The following ESYT2 variants were observed in gnomAD, a reference collection of about 807,000 sequenced individuals.
The protein encoded by ESYT2 is extended synaptotagmin-2.
A neutral mutation model predicts 107.2 loss-of-function variants in ESYT2; 54 were observed. The ratio of observed to expected loss-of-function variants is 0.50; its 90% CI spans 0.40 to 0.63. ESYT2 has a LOEUF of 0.63. Ranked by LOEUF, ESYT2 falls within the 30% of genes least tolerant of loss-of-function variation. The pLI, the probability that ESYT2 is intolerant of heterozygous loss-of-function variation, is 0.00. For missense variants in ESYT2, 1,020 were observed against 1,094.5 expected (o/e 0.93, Z 0.96); for synonymous variants, 491 against 434.1 (o/e 1.13, Z -1.63).
chr7:158,791,884 T>A (rs190048057), intron 4 of ESYT2, among the ~76,000 whole-genome samples: 1 of 152,332 alleles, frequency 6.6e-6, no homozygotes, highest in Non-Finnish European at 1.5e-5. Flanking sequence ...TAGGTAGTAG[T>A]AACATCTTAA....
In ESYT2 at chr7:158,795,807, T is replaced by C. The variant is rs34380879; in HGVS notation, c.508-2081A>G. Reference sequence around the variant, plus strand: ...CGTCCCGTGTAGAGACATGGGCTCGTCCTACGGGCGTCCTGTGTAGAGACA... The same window carrying C: ...CGTCCCGTGTAGAGACATGGGCTCGCCCTACGGGCGTCCTGTGTAGAGACA... On this transcript the variant is annotated intron_variant, in intron 3 of 22. Transcript: ENST00000275418. Among the ~76,000 whole-genome samples, 164 of 119,032 alleles carry C rather than the reference T, an allele frequency of 1.4e-3. 1 individual carries two copies. The highest frequency in any genetic ancestry group is 5.5e-3 in the African/African-American group (161 of 29,056). The allele number at this position is 119,032 out of a possible 152,430, so 78.1% of individuals were successfully genotyped here.
chr7:158,750,075 A>C (rs1323418609), intron 14 of ESYT2, among the ~76,000 whole-genome samples: 1 of 152,186 alleles, frequency 6.6e-6, no homozygotes, highest in Non-Finnish European at 1.5e-5. Context: ...TGAAAACCAA[A>C]AATCATTAAA....
chr7:158,819,603 C>T (rs766693399), intron 1 of ESYT2, among the ~76,000 whole-genome samples: 25 of 152,140 alleles, frequency 1.6e-4, no homozygotes, highest in Non-Finnish European at 3.4e-4. Flanking sequence ...TTAACAAAAT[C>T]CACGGAAATG....
intron 16 of ESYT2, 95 bp from the exon 17 acceptor site, chr7:158,743,773 AT>A (rs1837302113): frequency 1.5e-6 from 2 of 1,375,458 alleles, no homozygotes; most frequent in East Asian, 5.7e-5. Flanking sequence ...GTCCTCAGAG[AT>A]AGGAACTTAG....
At chr7:158,746,334 C>G (rs144425186) in intron 16 of ESYT2, among the ~76,000 whole-genome samples, 63 of 151,784 alleles carry the variant, frequency 4.2e-4, no homozygotes, top group African/African-American at 1.4e-3. Flanking sequence ...CTGAGGCACA[C>G]ATACACACAT....
chr7:158,809,958 A>G (rs893449690), intron 1 of ESYT2, among the ~76,000 whole-genome samples: 1 of 152,246 alleles, frequency 6.6e-6, no homozygotes, highest in Non-Finnish European at 1.5e-5. Flanking sequence ...GGGACTGCCC[A>G]ATTTGTGAAT....
intron 1 of ESYT2, among the ~76,000 whole-genome samples, chr7:158,813,841 C>T (rs1414952573): frequency 2.0e-5 from 3 of 151,998 alleles, no homozygotes; most frequent in Non-Finnish European, 4.4e-5. Context: ...ATACGTTCCT[C>T]GTCCCGATGA....
At chr7:158,771,141 G>T (rs1039405334) in intron 7 of ESYT2, among the ~76,000 whole-genome samples, 1 of 152,144 alleles carries the variant, frequency 6.6e-6, no homozygotes, top group Admixed American at 6.5e-5. Flanking sequence ...ATGAATCAGG[G>T]GATCAACTTC....
intron 4 of ESYT2, among the ~76,000 whole-genome samples, chr7:158,789,210 C>T (rs1466164386): frequency 6.6e-6 from 1 of 152,118 alleles, no homozygotes; most frequent in Non-Finnish European, 1.5e-5. Flanking sequence ...TAAGTTTCTT[C>T]CAATATTTAT....
At position 158,734,430 on chromosome 7, in the gene ESYT2, C is replaced by G. The variant is rs923803561; in HGVS notation, c.2547G>C (p.Trp849Cys). Residue 849 changes from tryptophan (W) to cysteine (C), a missense_variant, in exon 22 of 23, where the codon TGG (tryptophan) becomes TGC (cysteine). Transcript: ENST00000275418. ...ALASEELAKG[W>C]TQWYDLTEDG... ...GCAGCAGGGACACTCACCACTGGGT[C>G]CAGCCTTTGGCAAGTTCTTCAGATG... is the stretch of plus-strand genomic sequence containing the variant. 4 of 1,613,830 alleles carry G rather than the reference C, an allele frequency of 2.5e-6. No homozygotes were observed. The highest frequency in any genetic ancestry group is 3.4e-6 in the Non-Finnish European group (4 of 1,179,936).
chr7:158,738,362 C>G (rs1175301147), intron 19 of ESYT2, among the ~76,000 whole-genome samples: 4 of 150,432 alleles, frequency 2.7e-5, no homozygotes, highest in Non-Finnish European at 4.4e-5. Context: ...CACACACACA[C>G]ACACACACAC....
chr7:158,806,444 G>T (rs901150923), intron 1 of ESYT2, among the ~76,000 whole-genome samples: 1 of 152,074 alleles, frequency 6.6e-6, no homozygotes, highest in African/African-American at 2.4e-5. Flanking sequence ...TTTTAAAGGG[G>T]TTAAGCCCCC....
At chr7:158,819,035 C>T (rs1331625778) in intron 1 of ESYT2, among the ~76,000 whole-genome samples, 4 of 152,200 alleles carry the variant, frequency 2.6e-5, no homozygotes, top group Non-Finnish European at 5.9e-5. Context: ...TTGTGCTACA[C>T]GAAACCATGG....
chr7:158,805,329 T>C (rs897585583), intron 1 of ESYT2, among the ~76,000 whole-genome samples: 1 of 152,212 alleles, frequency 6.6e-6, no homozygotes, highest in African/African-American at 2.4e-5. Flanking sequence ...TTAGAAATCT[T>C]GATTAAATGG....
At chr7:158,829,004 G>A in intron 1 of ESYT2, 85 bp downstream of exon 1, 4 of 1,512,508 alleles carry the variant, frequency 2.6e-6, no homozygotes, top group Non-Finnish European at 3.5e-6. Flanking sequence ...CAGGCGGCAG[G>A]TCGCGGGGAG....
At position 158,814,334 on chromosome 7, in the gene ESYT2, T is replaced by A. The variant is rs1285667555; in HGVS notation, c.330+14755A>T. ...ATATATATATATATATATATATATA[T>A]ATATATATATATGAAATAATATACC... On this transcript the variant is annotated intron_variant, in intron 1 of 22. Coordinates refer to ENST00000275418, the MANE Select transcript of ESYT2 (RefSeq NM_001367773.1). Among the ~76,000 whole-genome samples, 18 of 5,178 alleles carry A rather than the reference T, an allele frequency of 3.5e-3. 2 individuals carry two copies. Among genetic ancestry groups the A allele is most frequent in the East Asian group, 0.015 (12 of 822 alleles). 3.4% of individuals were successfully genotyped at this position (5,178 alleles called of 152,430 possible). A position where few individuals can be genotyped will look rare whatever the true frequency, so the allele number is the denominator to read the frequency against.
At chr7:158,816,843 A>G (rs966110918) in intron 1 of ESYT2, among the ~76,000 whole-genome samples, 5 of 152,228 alleles carry the variant, frequency 3.3e-5, no homozygotes, top group African/African-American at 4.8e-5. Flanking sequence ...ATAAGTAGGA[A>G]GAGTATTGTT....
At chr7:158,735,364 G>A (rs1836892653) in intron 21 of ESYT2, 139 bp downstream of exon 21, 1 of 655,582 alleles carries the variant, frequency 1.5e-6, no homozygotes, top group Non-Finnish European at 2.7e-6. Context: ...TGTCTTTATA[G>A]CCCATGATTT....
chr7:158,757,774 TG>T (rs201581374), intron 13 of ESYT2, among the ~76,000 whole-genome samples: 2,842 of 151,746 alleles, frequency 0.019, 87 homozygotes, highest in African/African-American at 0.064. Flanking sequence ...TTTTGTTTTT[TG>T]TTTTTTTTGC....
Sources: allele counts gnomAD v4.1 joint callset (sites outside exome capture counted in the v4.1 genomes callset), GRCh38; gene constraint gnomAD v4.1.1; transcripts MANE v1.5; gene names NCBI Gene and HGNC (gene_info 2026-07-23, HGNC 2026-07-21).